Variants in LRRC4C observed in about 807,000 individuals in gnomAD.
LRRC4C encodes leucine rich repeat containing 4C.
In LRRC4C, 5 loss-of-function variants were observed where a neutral mutation model predicts 33.6. The observed-to-expected ratio is 0.15, with a 90% CI of 0.08 to 0.31. The LOEUF (loss-of-function observed/expected upper bound fraction) is 0.31, where lower values mean the gene tolerates loss of function less well. Ranked by LOEUF, LRRC4C falls within the 10% of genes least tolerant of loss-of-function variation. The pLI is 1.00. For missense variants in LRRC4C, 560 were observed against 796.7 expected, an observed-to-expected ratio of 0.70 and a Z score of 3.58; for synonymous variants, 329 against 302.0, an observed-to-expected ratio of 1.09 and a Z score of -0.93.
Position 41,216,236 on chromosome 11 carries a change from G to T in LRRC4C, c.-496+243195C>A, listed in dbSNP as rs372604872. Among the ~76,000 whole-genome samples the T allele has an allele frequency of 1.6e-4, 24 of 152,134 alleles. No homozygotes were observed. In the East Asian group the frequency reaches 2.3e-3, roughly 15 times the overall value. On this transcript the variant is annotated intron_variant, in intron 1 of 6. Coordinates refer to ENST00000528697, the MANE Select transcript of LRRC4C (RefSeq NM_001258419.2). ...TAAACAAAATTGAAGAACAGAGAAA[G>T]ATCTGAAACATTACAGGGAATTTAG...
chr11:41,236,949 C>T (rs986432908), intron 1 of LRRC4C, among the ~76,000 whole-genome samples: 17 of 152,160 alleles, frequency 1.1e-4, no homozygotes, highest in African/African-American at 4.1e-4. Flanking sequence ...AAGGCAGGCA[C>T]AATTTTGGTA....
At chr11:40,198,650 C>T (rs567289934) in intron 5 of LRRC4C, among the ~76,000 whole-genome samples, 2 of 152,296 alleles carry the variant, frequency 1.3e-5, no homozygotes, top group South Asian at 2.1e-4. Flanking sequence ...TTAGCATAGG[C>T]ACCCATCCGT....
chr11:40,351,048 C>T (rs1947360190), intron 3 of LRRC4C, among the ~76,000 whole-genome samples: 1 of 152,020 alleles, frequency 6.6e-6, no homozygotes, highest in African/African-American at 2.4e-5. Flanking sequence ...ACTTTTACTT[C>T]TTTCATTCTA....
At chr11:40,985,238 A>G (rs1400472001) in intron 1 of LRRC4C, among the ~76,000 whole-genome samples, 2 of 152,018 alleles carry the variant, frequency 1.3e-5, no homozygotes, top group Non-Finnish European at 2.9e-5. Flanking sequence ...CTCCTTGTAC[A>G]CATTACAGAA....
chr11:40,197,130 A>C (rs1181875285), intron 5 of LRRC4C, among the ~76,000 whole-genome samples: 1 of 152,188 alleles, frequency 6.6e-6, no homozygotes, highest in African/African-American at 2.4e-5. Flanking sequence ...AATACAAGCT[A>C]TAGGATTGAT....
intron 1 of LRRC4C, among the ~76,000 whole-genome samples, chr11:41,211,586 T>C (rs530357549): frequency 6.6e-6 from 1 of 152,272 alleles, no homozygotes; most frequent in East Asian, 1.9e-4. Context: ...AGTGTTTGGT[T>C]TTTTGTCCTT....
chr11:40,921,127 T>G (rs1014225813), intron 2 of LRRC4C, among the ~76,000 whole-genome samples: 3 of 152,008 alleles, frequency 2.0e-5, no homozygotes, highest in African/African-American at 7.2e-5. Context: ...CTCGCTATGT[T>G]GTCAGGACTG....
At chr11:41,249,036 C>CT (rs554360740) in intron 1 of LRRC4C, among the ~76,000 whole-genome samples, 19,249 of 148,830 alleles carry the variant, frequency 0.13, 1,375 homozygotes, top group Middle Eastern at 0.21. Flanking sequence ...AAGATACTGT[C>CT]TTCTTTTTTT....
chr11:40,192,554 A>T (rs545263704), intron 5 of LRRC4C, among the ~76,000 whole-genome samples: 152 of 152,270 alleles, frequency 1.0e-3, no homozygotes, highest in African/African-American at 3.5e-3. Context: ...AACTAGTTGC[A>T]GGAGTTTTTT....
At chr11:40,592,865 T>C (rs992362157) in intron 3 of LRRC4C, among the ~76,000 whole-genome samples, 2 of 152,188 alleles carry the variant, frequency 1.3e-5, no homozygotes, top group African/African-American at 4.8e-5. Context: ...GAGAGAATGC[T>C]GACTATTTCA....
At chr11:41,172,328 C>G (rs1020376961) in intron 1 of LRRC4C, among the ~76,000 whole-genome samples, 1 of 149,044 alleles carries the variant, frequency 6.7e-6, no homozygotes, top group Non-Finnish European at 1.5e-5. Context: ...AAATATTGTT[C>G]TGCATTTGCT....
chr11:40,325,735 A>G (rs1946067606), intron 3 of LRRC4C, among the ~76,000 whole-genome samples: 1 of 152,198 alleles, frequency 6.6e-6, no homozygotes, highest in African/African-American at 2.4e-5. Flanking sequence ...AACACCAGGC[A>G]GCTAATGATC....
chr11:41,097,305 A>G (rs1470965649), intron 1 of LRRC4C, among the ~76,000 whole-genome samples: 1 of 152,178 alleles, frequency 6.6e-6, no homozygotes, highest in Non-Finnish European at 1.5e-5. Flanking sequence ...ATTTTTTAGG[A>G]ACTGTGTTGT....
At chr11:40,896,530 C>G (rs535736803) in intron 2 of LRRC4C, among the ~76,000 whole-genome samples, 1 of 125,226 alleles carries the variant, frequency 8.0e-6, no homozygotes, top group Admixed American at 9.2e-5. Flanking sequence ...TGGGTCTGTA[C>G]AATTAGAATA....
chr11:40,815,722 G>C (rs1485067951), intron 2 of LRRC4C, among the ~76,000 whole-genome samples: 1 of 152,090 alleles, frequency 6.6e-6, no homozygotes, highest in Non-Finnish European at 1.5e-5. Flanking sequence ...AATTCAGTGG[G>C]AATGCCATCA....
Position 41,120,573 on chromosome 11 carries a change from A to G in LRRC4C, c.-495-186850T>C, listed in dbSNP as rs190603064. On this transcript the variant is annotated intron_variant, in intron 1 of 6. Coordinates refer to ENST00000528697, the MANE Select transcript of LRRC4C (RefSeq NM_001258419.2). ...CCTCACTGTTGGGCTACTGTTTGAC[A>G]GTGGCTATATTACTTCATGAAGGCA... 9.2e-5 allele frequency among the ~76,000 whole-genome samples: 14 copies of G among 152,314 alleles called. No individual in the cohort carries two copies. In the East Asian group the frequency reaches 2.7e-3, roughly 29 times the overall value.
At chr11:41,231,802 CAA>C (rs1029336960) in intron 1 of LRRC4C, among the ~76,000 whole-genome samples, 1 of 151,244 alleles carries the variant, frequency 6.6e-6, no homozygotes, top group Non-Finnish European at 1.5e-5. Flanking sequence ...TGTATATATA[CAA>C]ATATATGTAG....
At chr11:41,120,831 C>T (rs1942386797) in intron 1 of LRRC4C, among the ~76,000 whole-genome samples, 1 of 152,066 alleles carries the variant, frequency 6.6e-6, no homozygotes, top group Admixed American at 6.6e-5. Flanking sequence ...TCCCATGCTG[C>T]CCTATTGACA....
At position 40,997,237 on chromosome 11, in the gene LRRC4C, G is replaced by A. The variant is rs142311004; in HGVS notation, c.-495-63514C>T. On this transcript the variant is annotated intron_variant, in intron 1 of 6. Coordinates refer to ENST00000528697, the MANE Select transcript of LRRC4C (RefSeq NM_001258419.2). Reference sequence around the variant, plus strand: ...GAAAAATAAGAGAGAGAAGAGATGAGGATACAAATGGAACTCCAGAGATTA... The same window carrying A: ...GAAAAATAAGAGAGAGAAGAGATGAAGATACAAATGGAACTCCAGAGATTA... 8.6e-3 allele frequency among the ~76,000 whole-genome samples: 1,305 copies of A among 151,990 alleles called. 25 individuals are homozygous for A. The highest frequency in any genetic ancestry group is 0.029 in the African/African-American group (1,200 of 41,432).
Sources: gnomAD v4.1 joint callset for allele counts (sites outside exome capture counted in the v4.1 genomes callset) on GRCh38, gnomAD v4.1.1 for gene constraint, MANE v1.5 for transcripts, NCBI Gene and HGNC (gene_info 2026-07-23, HGNC 2026-07-21) for gene names.